The following GRID1 variants were observed in gnomAD, a reference collection of about 807,000 sequenced individuals.
GRID1 encodes the protein glutamate ionotropic receptor delta type subunit 1.
A neutral mutation model predicts 98.0 loss-of-function variants in GRID1; 28 were observed. The observed-to-expected ratio is 0.29, with a 90% confidence interval of 0.21 to 0.39. GRID1 has a LOEUF of 0.39. Ranked by LOEUF, GRID1 falls within the 10% of genes least tolerant of loss-of-function variation. The probability of loss-of-function intolerance (pLI) is 1.00; values close to 1 mark genes in which losing one functional copy is unlikely to be tolerated. For synonymous variants in GRID1, 553 were observed against 538.5 expected (o/e 1.03, Z -0.37); for missense variants, 1,111 against 1,340.5 (o/e 0.83, Z 2.67).
chr10:85,811,309 G>T (rs909122011), intron 8 of GRID1, among the ~76,000 whole-genome samples: 12 of 152,102 alleles, frequency 7.9e-5, no homozygotes, highest in Non-Finnish European at 1.3e-4. Context: ...AAATATCAAT[G>T]TAAGGACACA....
At chr10:85,617,478 C>T (rs1480373664) in intron 14 of GRID1, among the ~76,000 whole-genome samples, 2 of 152,100 alleles carry the variant, frequency 1.3e-5, no homozygotes, top group African/African-American at 2.4e-5. Context: ...ACGTGATCTG[C>T]CCGCCTCAGC....
chr10:86,365,623 A>G lies in GRID1; in HGVS notation c.79+691T>C, dbSNP rs1848666488. Among the ~76,000 whole-genome samples, 1 of 148,392 alleles carries G rather than the reference A, an allele frequency of 6.7e-6. No individual in the cohort carries two copies. Among genetic ancestry groups the G allele is most frequent in the South Asian group, 2.1e-4 (1 of 4,664 alleles). ...TGGGCCCCCAAGACTTGGACCACGC[A>G]AAACTCTAGGACTGTCCAGGATGGG... On this transcript the variant is annotated intron_variant, in intron 1 of 15. Coordinates refer to ENST00000327946, the MANE Select transcript of GRID1 (RefSeq NM_017551.3). This position sits in a 1 kb window ranked among gnomAD's most constrained non-coding sequence, Gnocchi z 4.8.
intron 4 of GRID1, among the ~76,000 whole-genome samples, chr10:86,002,543 C>A (rs1427270484): frequency 6.6e-6 from 1 of 152,166 alleles, no homozygotes; most frequent in Non-Finnish European, 1.5e-5. Context: ...AACCTCCTAG[C>A]CTTTTCACAA....
At chr10:85,799,836 A>G (rs1164652092) in intron 8 of GRID1, among the ~76,000 whole-genome samples, 1 of 152,064 alleles carries the variant, frequency 6.6e-6, no homozygotes, top group Non-Finnish European at 1.5e-5. Flanking sequence ...AGTGTGTTGT[A>G]TATTTCAAAA....
intron 3 of GRID1, among the ~76,000 whole-genome samples, chr10:86,168,883 C>T (rs1007568838): frequency 6.6e-6 from 1 of 152,184 alleles, no homozygotes; most frequent in Non-Finnish European, 1.5e-5. Context: ...CAGGGAGACT[C>T]CCTGGGCACA....
At chr10:85,911,150 T>G (rs1418861043) in intron 5 of GRID1, among the ~76,000 whole-genome samples, 1 of 152,224 alleles carries the variant, frequency 6.6e-6, no homozygotes, top group African/African-American at 2.4e-5. Flanking sequence ...TAAAGCTATG[T>G]GATTCAGCAT....
At chr10:85,749,470 AAC>A (rs1222566873) in intron 8 of GRID1, among the ~76,000 whole-genome samples, 1 of 152,188 alleles carries the variant, frequency 6.6e-6, no homozygotes, top group Non-Finnish European at 1.5e-5. Context: ...CTCTAAAAAT[AAC>A]AGTCTAGCCT....
chr10:85,674,662 T>A (rs1841124119), intron 12 of GRID1, among the ~76,000 whole-genome samples: 1 of 152,110 alleles, frequency 6.6e-6, no homozygotes, highest in African/African-American at 2.4e-5. Flanking sequence ...TATCACCTGT[T>A]CTTTCTGTCA....
intron 4 of GRID1, among the ~76,000 whole-genome samples, chr10:86,126,288 T>C (rs1844752237): frequency 6.6e-6 from 1 of 152,046 alleles, no homozygotes; most frequent in Admixed American, 6.5e-5. Flanking sequence ...ACCCCGTCTC[T>C]ACTAAAAATA....
intron 2 of GRID1, among the ~76,000 whole-genome samples, chr10:86,210,541 A>G (rs1846093601): frequency 6.6e-6 from 1 of 152,158 alleles, no homozygotes; most frequent in Non-Finnish European, 1.5e-5. Context: ...CCATCTCTCC[A>G]CCAAAGTCAT....
At chr10:86,345,802 G>A (rs539822510) in intron 2 of GRID1, among the ~76,000 whole-genome samples, 89 of 152,000 alleles carry the variant, frequency 5.9e-4, no homozygotes, top group African/African-American at 2.1e-3. Flanking sequence ...GTACCAGAGG[G>A]AAGCCCTAAG....
intron 3 of GRID1, among the ~76,000 whole-genome samples, chr10:86,174,191 C>T (rs1355679531): frequency 6.6e-6 from 1 of 152,088 alleles, no homozygotes; most frequent in African/African-American, 2.4e-5. Context: ...CAAGTCAATC[C>T]TAAGCCAAAA....
At chr10:85,693,559 A>AT (rs1402830789) in intron 12 of GRID1, among the ~76,000 whole-genome samples, 1 of 152,162 alleles carries the variant, frequency 6.6e-6, no homozygotes, top group Non-Finnish European at 1.5e-5. Context: ...GTAAAAAAAA[A>AT]CAGCAGGGTA....
chr10:85,822,115 A>C (rs1435961022), intron 8 of GRID1, among the ~76,000 whole-genome samples: 1 of 152,178 alleles, frequency 6.6e-6, no homozygotes, highest in Non-Finnish European at 1.5e-5. Context: ...ACCATTCAGG[A>C]CATAGGCATG....
intron 3 of GRID1, among the ~76,000 whole-genome samples, chr10:86,178,644 C>T (rs531364756): frequency 6.6e-5 from 10 of 151,830 alleles, no homozygotes; most frequent in African/African-American, 1.7e-4. Context: ...CAGAGAACTA[C>T]GGTCTCCTTA....
At chr10:85,813,500 C>A (rs1216497780) in intron 8 of GRID1, among the ~76,000 whole-genome samples, 1 of 149,148 alleles carries the variant, frequency 6.7e-6, no homozygotes, top group Non-Finnish European at 1.5e-5. Flanking sequence ...AATTTTATAT[C>A]CTATAAAAAT....
intron 4 of GRID1, among the ~76,000 whole-genome samples, chr10:86,007,884 G>C (rs1166070113): frequency 6.6e-6 from 1 of 151,388 alleles, no homozygotes; most frequent in African/African-American, 2.4e-5. Flanking sequence ...CAAAGAAGGG[G>C]AGAGAGATTC....
intron 8 of GRID1, among the ~76,000 whole-genome samples, chr10:85,736,176 AAAGGAAGG>A (rs535493534): frequency 2.9e-3 from 342 of 117,124 alleles, no homozygotes; most frequent in African/African-American, 0.011. Context: ...ACACAGGAAG[AAAGGAAGG>A]AAGGAGGGAA....
intron 4 of GRID1, among the ~76,000 whole-genome samples, chr10:86,021,849 G>A (rs1203124414): frequency 6.6e-6 from 1 of 152,218 alleles, no homozygotes; most frequent in South Asian, 2.1e-4. Flanking sequence ...GATTTGGAGA[G>A]CTTCACCCTC....
Sources: gnomAD v4.1 joint callset for allele counts (sites outside exome capture counted in the v4.1 genomes callset) on GRCh38, gnomAD v4.1.1 for gene constraint, Gnocchi (gnomAD v3.1) non-coding constraint, MANE v1.5 for transcripts, NCBI Gene and HGNC (gene_info 2026-07-23, HGNC 2026-07-21) for gene names.